NCOR2: variants seen among roughly 807,000 people sequenced by gnomAD.
NCOR2 encodes the protein CTG repeat protein 26.
NCOR2 carries 81 observed loss-of-function variants against 262.9 expected under a neutral mutation model. The ratio of observed to expected loss-of-function variants is 0.31; its 90% CI spans 0.26 to 0.37. The LOEUF (loss-of-function observed/expected upper bound fraction) is 0.37, where lower values mean the gene tolerates loss of function less well. NCOR2 is among the 10% of genes least tolerant of loss of function. The probability of loss-of-function intolerance (pLI) is 1.00; values close to 1 mark genes in which losing one functional copy is unlikely to be tolerated. For missense variants in NCOR2, 3,385 were observed against 3,621.4 expected (o/e 0.93, Z 1.68); for synonymous variants, 1,659 against 1,559.3 (o/e 1.06, Z -1.51).
intron 1 of NCOR2, among the ~76,000 whole-genome samples, 195 bp from the exon 4 acceptor site, chr12:124,486,763 G>C (rs1593778631): frequency 6.6e-6 from 1 of 152,210 alleles, no homozygotes; most frequent in Non-Finnish European, 1.5e-5. Context: ...CCAAGGAGGA[G>C]AAAGAACACA....
At chr12:124,400,478 C>T (rs767973365) in intron 15 of NCOR2, 23 bp downstream of exon 17, 64 of 1,604,950 alleles carry the variant, frequency 4.0e-5, no homozygotes, top group Middle Eastern at 3.6e-4. Flanking sequence ...CTTCCCCACC[C>T]GCATCCCTGG....
At chr12:124,521,648 G>T (rs2050197328) in intron 1 of NCOR2, among the ~76,000 whole-genome samples, 1 of 152,182 alleles carries the variant, frequency 6.6e-6, no homozygotes, top group African/African-American at 2.4e-5. Context: ...TTCCTTTTGG[G>T]GTGATGAGGA....
chr12:124,501,600 T>C (rs1225728760), intron 1 of NCOR2, among the ~76,000 whole-genome samples: 1 of 152,110 alleles, frequency 6.6e-6, no homozygotes, highest in Non-Finnish European at 1.5e-5. Flanking sequence ...TGCCTCTATC[T>C]CCACGCAGCC....
At position 124,548,447 on chromosome 12, in the gene NCOR2, T is replaced by C. The variant is rs961030869; in HGVS notation, c.-164-12836A>G. Among the ~76,000 whole-genome samples the C allele has an allele frequency of 2.6e-5, 4 of 152,118 alleles. No homozygotes were observed. The highest frequency in any genetic ancestry group is 1.9e-4 in the East Asian group (1 of 5,192). ...AGTGGACTGGGGACCCCGAAGAGGC[T>C]ACTGCAGTCGTCCAAGCCAGACGGC... On this transcript the variant is annotated intron_variant, in intron 1 of 32. Transcript: ENST00000458234. This position sits in a 1 kb window ranked among gnomAD's most constrained non-coding sequence, Gnocchi z 5.1.
upstream of NCOR2, chr12:124,567,606 C>CTGT (rs2052291839): frequency 8.1e-6 from 1 of 123,722 alleles, no homozygotes; most frequent in African/African-American, 2.7e-5. Context: ...GCCGCGGCGG[C>CTGT]GGTGGCGGCG....
At chr12:124,425,699 C>T (rs907924375) in intron 11 of NCOR2, among the ~76,000 whole-genome samples, 1 of 152,146 alleles carries the variant, frequency 6.6e-6, no homozygotes, top group Non-Finnish European at 1.5e-5. Context: ...TGAGAGAACT[C>T]GACTCCCGTC....
intron 8 of NCOR2, among the ~76,000 whole-genome samples, chr12:124,434,909 T>G (rs2044242834): frequency 6.6e-6 from 1 of 152,180 alleles, no homozygotes; most frequent in African/African-American, 2.4e-5. Context: ...CTTGTACTCT[T>G]CTGTCAAATT....
chr12:124,391,782 C>A (rs1031550182), intron 16 of NCOR2, among the ~76,000 whole-genome samples: 5 of 152,196 alleles, frequency 3.3e-5, no homozygotes, highest in African/African-American at 7.2e-5. Context: ...TCCCAGCTCT[C>A]AAAAAAACCC....
intron 1 of NCOR2, among the ~76,000 whole-genome samples, chr12:124,533,620 G>A (rs1454447934): frequency 1.3e-5 from 2 of 152,194 alleles, no homozygotes; most frequent in East Asian, 3.8e-4. Flanking sequence ...CTTGTCCACA[G>A]GTCTATTCCC....
intron 1 of NCOR2, among the ~76,000 whole-genome samples, chr12:124,493,985 ACT>A (rs974682295): frequency 2.0e-5 from 3 of 151,896 alleles, no homozygotes; most frequent in Non-Finnish European, 2.9e-5. Context: ...GAATGCAATG[ACT>A]CTGCCCAGGG....
chr12:124,377,673 T>C (rs982751652), intron 18 of NCOR2, among the ~76,000 whole-genome samples: 1 of 151,972 alleles, frequency 6.6e-6, no homozygotes, highest in Non-Finnish European at 1.5e-5. Context: ...ACCCCATCTC[T>C]GCTAAAAATA....
intron 31 of NCOR2, among the ~76,000 whole-genome samples, chr12:124,345,162 C>T (rs2036809533): frequency 6.6e-6 from 1 of 152,192 alleles, no homozygotes; most frequent in Admixed American, 6.5e-5. Flanking sequence ...ACCCTGGTCC[C>T]CACGCTCCCT....
At chr12:124,420,577 C>G (rs1179999053) in intron 12 of NCOR2, among the ~76,000 whole-genome samples, 1 of 152,228 alleles carries the variant, frequency 6.6e-6, no homozygotes, top group Admixed American at 6.5e-5. Flanking sequence ...CCACGCCCCA[C>G]GCGCCTCTTC....
At chr12:124,428,152 G>A (rs992902628) in intron 10 of NCOR2, among the ~76,000 whole-genome samples, 8 of 150,956 alleles carry the variant, frequency 5.3e-5, no homozygotes, top group Admixed American at 4.6e-4. Context: ...AGAGGAGAGG[G>A]CCACCGGCCT....
At chr12:124,562,256 A>C (rs1167361159) in intron 1 of NCOR2, 1 of 152,174 alleles carries the variant, frequency 6.6e-6, no homozygotes, top group Non-Finnish European at 1.5e-5. Flanking sequence ...AGTGACAGGC[A>C]CCTAGTGGCT....
At chr12:124,477,563 A>C (rs944254961) in intron 3 of NCOR2, among the ~76,000 whole-genome samples, 20 of 152,250 alleles carry the variant, frequency 1.3e-4, no homozygotes, top group African/African-American at 4.8e-4. Flanking sequence ...ACAGCTGCAC[A>C]ACATTGTAAA....
chr12:124,348,311 C>A (rs1380247557), exon 29 of NCOR2: 1 of 1,605,706 alleles, frequency 6.2e-7, no homozygotes, highest in East Asian at 2.2e-5. Context: ...CACAGACATG[C>A]CACCTGGAAA....
chr12:124,462,822 C>T (rs997433117), intron 5 of NCOR2, among the ~76,000 whole-genome samples: 2 of 152,170 alleles, frequency 1.3e-5, no homozygotes, highest in African/African-American at 4.8e-5. Context: ...TGCTCAGTCC[C>T]GATCACACTG....
In NCOR2 at chr12:124,408,127, G is replaced by A. The variant is rs184379306; in HGVS notation, c.1483-5566C>T. Among the ~76,000 whole-genome samples, 19 of 152,258 alleles carry A rather than the reference G, an allele frequency of 1.2e-4. No individual in the cohort carries two copies. In the East Asian group the frequency reaches 1.9e-3, roughly 16 times the overall value. The stretch of plus-strand genomic sequence containing the variant: ...CCCAGCACTTTGGGAGGCCGAGGCC[G>A]GCGGATCATGAGGTCAGGAAATCGA... On this transcript the variant is annotated intron_variant, in intron 13 of 46. Coordinates refer to ENST00000405201, the Ensembl canonical transcript of NCOR2.
Sources: gnomAD v4.1 joint callset for allele counts (sites outside exome capture counted in the v4.1 genomes callset) on GRCh38, gnomAD v4.1.1 for gene constraint, Gnocchi (gnomAD v3.1) non-coding constraint, MANE v1.5 for transcripts, NCBI Gene and HGNC (gene_info 2026-07-23, HGNC 2026-07-21) for gene names.